AKAP13: variants seen among roughly 807,000 people sequenced by gnomAD.
AKAP13 encodes A-kinase anchoring protein 13.
Under a neutral mutation model 264.5 loss-of-function variants are expected in AKAP13, and 80 were observed. That is an observed-to-expected ratio of 0.30 (90% confidence interval 0.25 to 0.36). AKAP13 has a LOEUF of 0.36. AKAP13 is among the 10% of genes least tolerant of loss of function. The pLI, the probability that AKAP13 is intolerant of heterozygous loss-of-function variation, is 1.00. For missense variants in AKAP13, 3,712 were observed against 3,435.2 expected (o/e 1.08, Z -2.01); for synonymous variants, 1,380 against 1,250.2 (o/e 1.10, Z -2.19).
chr15:85,637,250 T>C (rs528317404), intron 8 of AKAP13, among the ~76,000 whole-genome samples: 1 of 152,342 alleles, frequency 6.6e-6, no homozygotes, highest in African/African-American at 2.4e-5. Flanking sequence ...TTTGGTAGCA[T>C]TCACCACTGA....
chr15:85,576,884 G>T (rs1323742623), intron 6 of AKAP13, among the ~76,000 whole-genome samples: 4 of 152,176 alleles, frequency 2.6e-5, no homozygotes, highest in African/African-American at 9.7e-5. Context: ...ATATGGAAAT[G>T]GTTGGCAGGC....
intron 1 of AKAP13, among the ~76,000 whole-genome samples, chr15:85,484,005 G>T (rs556113308): frequency 6.6e-6 from 1 of 152,030 alleles, no homozygotes; most frequent in Non-Finnish European, 1.5e-5. Context: ...GTTAATTCCT[G>T]TATAAATTTC....
intron 8 of AKAP13, among the ~76,000 whole-genome samples, chr15:85,590,417 TCTGTCATACAAA>T (rs2079537394): frequency 6.6e-6 from 1 of 152,208 alleles, no homozygotes; most frequent in East Asian, 1.9e-4. Flanking sequence ...TAGTCTGCTA[TCTGTCATACAAA>T]CTGAGGAGTA....
intron 17 of AKAP13, chr15:85,701,303 CAG>C (rs1424469298): frequency 6.6e-6 from 1 of 152,030 alleles, no homozygotes. Flanking sequence ...TCGGTGGGGA[CAG>C]GGGTCATAAT....
chr15:85,552,123 T>TA (rs2077979107), intron 5 of AKAP13, among the ~76,000 whole-genome samples: 1 of 152,186 alleles, frequency 6.6e-6, no homozygotes, highest in Non-Finnish European at 1.5e-5. Flanking sequence ...TATGAGGTAG[T>TA]AAAAAAATAC....
At chr15:85,738,992 T>C (rs948990600) in intron 33 of AKAP13, among the ~76,000 whole-genome samples, 4 of 152,238 alleles carry the variant, frequency 2.6e-5, no homozygotes, top group Non-Finnish European at 4.4e-5. Context: ...TTGCTTTTTT[T>C]CCTCTTAATA....
chr15:85,420,115 G>A (rs1268190068), intron 1 of AKAP13, among the ~76,000 whole-genome samples: 2 of 151,556 alleles, frequency 1.3e-5, no homozygotes, highest in South Asian at 2.1e-4. Flanking sequence ...CTAATTTTTT[G>A]TATTTTTAGT....
chr15:85,681,228 G>A (rs1186532952), intron 14 of AKAP13, among the ~76,000 whole-genome samples: 1 of 152,198 alleles, frequency 6.6e-6, no homozygotes, highest in Non-Finnish European at 1.5e-5. Flanking sequence ...AAAGGAAGGT[G>A]TTTTGTCTAA....
chr15:85,551,616 A>G (rs1467550672), intron 5 of AKAP13, among the ~76,000 whole-genome samples: 1 of 152,178 alleles, frequency 6.6e-6, no homozygotes, highest in Admixed American at 6.5e-5. Flanking sequence ...CTGCAGAATG[A>G]CACATATGTA....
At chr15:85,533,028 A>G (rs1567110099) in intron 3 of AKAP13, among the ~76,000 whole-genome samples, 1 of 152,238 alleles carries the variant, frequency 6.6e-6, no homozygotes, top group Non-Finnish European at 1.5e-5. Flanking sequence ...TAGGCCTTGG[A>G]TTGCTCATAG....
intron 1 of AKAP13, among the ~76,000 whole-genome samples, chr15:85,458,195 A>G: frequency 6.6e-6 from 1 of 152,094 alleles, no homozygotes; most frequent in South Asian, 2.1e-4. Flanking sequence ...AAAAATAGAT[A>G]TTCCAGTTTT....
rs143180521 is a variant in AKAP13, at chr15:85,664,730, G to A, written c.4967G>A (p.Arg1656Lys). 1 of 1,613,134 alleles carries A rather than the reference G, an allele frequency of 6.2e-7. No homozygotes were observed. The highest frequency in any genetic ancestry group is 1.1e-5 in the South Asian group (1 of 90,826). Reference protein sequence around the residue: ...LSEEDLESDQREHRMFDQQIC... With the variant: ...LSEEDLESDQKEHRMFDQQIC... ...GAAGAGGATCTGGAGTCAGACCAGA[G>A]AGAACATAGGATGTTTGATCAGCAG... The change falls in exon 13 of 37, where the codon AGA becomes AAA. Residue 1656 changes from arginine (R) to lysine (K), a missense_variant. Physicochemically the swap from Arg to Lys is conservative, Grantham distance 26. Transcript: ENST00000394518.
intron 8 of AKAP13, among the ~76,000 whole-genome samples, chr15:85,601,721 A>G (rs1282208153): frequency 2.6e-5 from 4 of 151,166 alleles, no homozygotes; most frequent in African/African-American, 4.9e-5. Context: ...AGATCTCTTC[A>G]CATTTTTAAA....
At chr15:85,471,424 G>A (rs1478261747) in intron 1 of AKAP13, among the ~76,000 whole-genome samples, 3 of 152,202 alleles carry the variant, frequency 2.0e-5, no homozygotes, top group Non-Finnish European at 4.4e-5. Flanking sequence ...GAACCCAAGA[G>A]GCGGAGCTTG....
At chr15:85,645,709 G>A (rs984334582) in intron 9 of AKAP13, 109 bp from the exon 10 acceptor site, 41 of 1,160,190 alleles carry the variant, frequency 3.5e-5, no homozygotes, top group Middle Eastern at 6.0e-4. Flanking sequence ...AAGAGTGAGA[G>A]AGAGATTTAA....
chr15:85,605,115 G>C (rs1334955815), intron 8 of AKAP13, among the ~76,000 whole-genome samples: 1 of 91,230 alleles, frequency 1.1e-5, no homozygotes, highest in Admixed American at 1.1e-4. Context: ...CCGACAGTCA[G>C]CGCTTTGCAG....
intron 1 of AKAP13, among the ~76,000 whole-genome samples, chr15:85,459,555 A>G (rs965579878): frequency 6.6e-6 from 1 of 150,774 alleles, no homozygotes; most frequent in Non-Finnish European, 1.5e-5. Flanking sequence ...GCTGGAGTGC[A>G]GTGGTGCAAT....
chr15:85,469,552 T>C (rs2074882981), intron 1 of AKAP13, among the ~76,000 whole-genome samples: 1 of 152,230 alleles, frequency 6.6e-6, no homozygotes. Context: ...AGGCCATTTC[T>C]GGTGGACCCA....
chr15:85,611,496 T>C (rs1471455), intron 8 of AKAP13, among the ~76,000 whole-genome samples: 1 of 151,962 alleles, frequency 6.6e-6, no homozygotes, highest in African/African-American at 2.4e-5. Context: ...TAATGTTAAA[T>C]ATTTTTGGAC....
Sources: allele counts gnomAD v4.1 joint callset (sites outside exome capture counted in the v4.1 genomes callset), GRCh38; gene constraint gnomAD v4.1.1; transcripts MANE v1.5; gene names NCBI Gene and HGNC (gene_info 2026-07-23, HGNC 2026-07-21).